The following DENND2B variants were observed in gnomAD, a reference collection of about 807,000 sequenced individuals.
DENND2B encodes DENN domain containing 2B, also known as DENN domain-containing protein 2B.
In DENND2B, 32 loss-of-function variants were observed where a neutral mutation model predicts 116.0. The observed-to-expected ratio is 0.28, with a 90% CI of 0.21 to 0.37. The LOEUF is 0.37. DENND2B is among the 10% of genes least tolerant of loss of function. The pLI, the probability that DENND2B is intolerant of heterozygous loss-of-function variation, is 1.00. For synonymous variants in DENND2B, 588 were observed against 583.9 expected, an observed-to-expected ratio of 1.01 and a Z score of -0.10; for missense variants, 1,276 against 1,477.7, an observed-to-expected ratio of 0.86 and a Z score of 2.24.
At chr11:8,697,686 T>A in intron 16 of DENND2B, 50 bp from the exon 17 acceptor site, 1 of 1,236,750 alleles carries the variant, frequency 8.1e-7, no homozygotes, top group Non-Finnish European at 1.2e-6. Flanking sequence ...ACTGAGCACT[T>A]ACTATGTGCT....
chr11:8,860,859 A>T (rs2063367116), intron 2 of DENND2B, among the ~76,000 whole-genome samples: 1 of 152,178 alleles, frequency 6.6e-6, no homozygotes, highest in South Asian at 2.1e-4. Flanking sequence ...AGTGAAACAG[A>T]ATAGAGAACC....
At position 8,707,702 on chromosome 11, in the gene DENND2B, C is replaced by G. The variant is rs2042857162; in HGVS notation, c.2430+75G>C. 6.8e-7 allele frequency: 1 copy of G among 1,464,590 alleles called. No homozygotes were observed. Among genetic ancestry groups the G allele is most frequent in the South Asian group, 1.2e-5 (1 of 80,038 alleles). The allele number at this position is 1,464,590 out of a possible 1,614,324, so 90.7% of individuals were successfully genotyped here. A position where few individuals can be genotyped will look rare whatever the true frequency, so the allele number is the denominator to read the frequency against. On this transcript the variant is annotated intron_variant, in intron 12 of 19. Transcript: ENST00000313726. The surrounding 1 kb of genome is among the most constrained non-coding windows in gnomAD (Gnocchi z 4.8). The stretch of plus-strand genomic sequence containing the variant: ...TCACAGTCACAGGTGGTTTTCTCAT[C>G]TAAGCTGGCTGCAGATACTCCTGTG...
At chr11:8,886,174 A>G (rs533073174) in intron 1 of DENND2B, among the ~76,000 whole-genome samples, 1 of 152,248 alleles carries the variant, frequency 6.6e-6, no homozygotes, top group Admixed American at 6.5e-5. Context: ...GGGTCAAGCA[A>G]TCCTCCCACC....
chr11:8,861,648 G>A (rs945380814), intron 2 of DENND2B, among the ~76,000 whole-genome samples: 2 of 152,148 alleles, frequency 1.3e-5, no homozygotes, highest in Admixed American at 1.3e-4. Context: ...ACTAAAAATA[G>A]ATCTACCATT....
intron 1 of DENND2B, among the ~76,000 whole-genome samples, chr11:8,902,102 C>T (rs1380875533): frequency 2.0e-5 from 3 of 151,828 alleles, no homozygotes; most frequent in African/African-American, 4.8e-5. Flanking sequence ...CTGAGGTGGG[C>T]GAATCATGAG....
intron 1 of DENND2B, among the ~76,000 whole-genome samples, chr11:8,784,884 G>A (rs973158783): frequency 1.3e-5 from 2 of 152,026 alleles, no homozygotes; most frequent in African/African-American, 4.8e-5. Context: ...AAGTGGGCTG[G>A]TAAGCCAGCG....
intron 1 of DENND2B, among the ~76,000 whole-genome samples, chr11:8,778,800 T>A (rs954561651): frequency 7.2e-5 from 11 of 152,234 alleles, no homozygotes; most frequent in Non-Finnish European, 1.6e-4. Flanking sequence ...AAATGCTGAT[T>A]ACTGTCGAAA....
intron 1 of DENND2B, among the ~76,000 whole-genome samples, chr11:8,904,228 CA>C (rs2134765533): frequency 6.6e-6 from 1 of 151,552 alleles, no homozygotes; most frequent in South Asian, 2.1e-4. Context: ...GCTTAATATC[CA>C]AAAATCAATT....
chr11:8,832,441 ACT>A (rs2062247266), intron 4 of DENND2B: 1 of 126,100 alleles, frequency 7.9e-6, no homozygotes, highest in African/African-American at 3.2e-5. Flanking sequence ...ACAGAGCGAG[ACT>A]CTGTCTCCAA....
intron 1 of DENND2B, among the ~76,000 whole-genome samples, chr11:8,790,499 T>C (rs1384222042): frequency 6.6e-6 from 1 of 152,182 alleles, no homozygotes; most frequent in African/African-American, 2.4e-5. Flanking sequence ...CCAGGCACAG[T>C]GGCTCACACC....
At chr11:8,777,962 G>A (rs1047552883) in intron 1 of DENND2B, among the ~76,000 whole-genome samples, 1 of 152,182 alleles carries the variant, frequency 6.6e-6, no homozygotes, top group Non-Finnish European at 1.5e-5. Flanking sequence ...TTTCCAGAGA[G>A]GCTGAATGGG....
intron 3 of DENND2B, among the ~76,000 whole-genome samples, chr11:8,846,856 T>C (rs1356594767): frequency 6.6e-6 from 1 of 152,242 alleles, no homozygotes; most frequent in African/African-American, 2.4e-5. Context: ...CTCTTTGCTG[T>C]AGGTGTTTGA....
At chr11:8,764,176 C>T (rs571121563) in intron 1 of DENND2B, among the ~76,000 whole-genome samples, 6 of 151,672 alleles carry the variant, frequency 4.0e-5, no homozygotes, top group East Asian at 1.9e-4. Context: ...GCCAAGATCG[C>T]GCCACTGCAC....
Position 8,702,734 on chromosome 11 carries a change from A to T in DENND2B, c.2572-14T>A. ...CAGCTCTAACACCTGCAGGAGAGCG[A>T]TGGGAAAGTGGGCCGGGGCCAGCCA... On this transcript the variant is annotated splice_polypyrimidine_tract_variant and intron_variant, in intron 13 of 19. Transcript: ENST00000313726. The surrounding 1 kb of genome is among the most constrained non-coding windows in gnomAD (Gnocchi z 4.6). The T allele has an allele frequency of 9.6e-6, 13 of 1,353,878 alleles. No homozygotes were observed. Among genetic ancestry groups the T allele is most frequent in the Non-Finnish European group, 1.3e-5 (13 of 966,118 alleles). The allele number at this position is 1,353,878 out of a possible 1,614,324, so 83.9% of individuals were successfully genotyped here.
At chr11:8,771,851 T>C (rs1323430119) in intron 1 of DENND2B, 1 of 152,156 alleles carries the variant, frequency 6.6e-6, no homozygotes, top group African/African-American at 2.4e-5. Context: ...GCCGGACTTG[T>C]TTTTATCAGA....
At chr11:8,819,132 T>G (rs1436205340) in intron 4 of DENND2B, among the ~76,000 whole-genome samples, 1 of 152,166 alleles carries the variant, frequency 6.6e-6, no homozygotes, top group African/African-American at 2.4e-5. Context: ...TGGTGGCTCA[T>G]GCCTGTAATT....
intron 4 of DENND2B, among the ~76,000 whole-genome samples, chr11:8,828,295 A>AAGT (rs1261978694): frequency 6.6e-6 from 1 of 152,204 alleles, no homozygotes; most frequent in East Asian, 1.9e-4. Context: ...CTGGACACAG[A>AAGT]GCAGTGCACC....
intron 4 of DENND2B, among the ~76,000 whole-genome samples, chr11:8,822,779 A>C (rs934472855): frequency 4.6e-5 from 7 of 152,218 alleles, no homozygotes; most frequent in African/African-American, 1.7e-4. Context: ...TTACATTTTT[A>C]ATTACATATA....
chr11:8,697,254 G>A (rs1006445859), intron 17 of DENND2B, among the ~76,000 whole-genome samples: 6 of 152,266 alleles, frequency 3.9e-5, no homozygotes, highest in Non-Finnish European at 8.8e-5. Context: ...AAGAGGAAGT[G>A]CCTTTCATCT....
Sources: gnomAD v4.1 joint callset for allele counts (sites outside exome capture counted in the v4.1 genomes callset) on GRCh38, gnomAD v4.1.1 for gene constraint, Gnocchi (gnomAD v3.1) non-coding constraint, MANE v1.5 for transcripts, NCBI Gene and HGNC (gene_info 2026-07-23, HGNC 2026-07-21) for gene names.